The following ANKRD18A variants were observed in gnomAD, a reference collection of about 807,000 sequenced individuals.
ANKRD18A encodes the protein ankyrin repeat domain 18A, also known as ankyrin repeat domain-containing protein 18A.
A neutral mutation model predicts 110.6 loss-of-function variants in ANKRD18A; 72 were observed. That is an observed-to-expected ratio of 0.65 (90% confidence interval 0.54 to 0.79). ANKRD18A has a LOEUF of 0.79. Among genes scored for constraint, ANKRD18A ranks in the 30% least tolerant of loss-of-function variants. The probability of loss-of-function intolerance (pLI) is 0.00; values close to 1 mark genes in which losing one functional copy is unlikely to be tolerated. For synonymous variants in ANKRD18A, 305 were observed against 410.3 expected, an observed-to-expected ratio of 0.74 and a Z score of 3.10; for missense variants, 934 against 1,163.3, an observed-to-expected ratio of 0.80 and a Z score of 2.87.
At chr9:38,585,943 T>C (rs1824361229) in intron 12 of ANKRD18A, among the ~76,000 whole-genome samples, 1 of 152,064 alleles carries the variant, frequency 6.6e-6, no homozygotes, top group African/African-American at 2.4e-5. Context: ...TACTTATAAG[T>C]GGGAGCTGAA....
At position 38,571,625 on chromosome 9, in the gene ANKRD18A, T is replaced by C; in HGVS notation, c.*420A>G. ...GATACTCTTTAAGTCTCCTACTACA[T>C]ATGGTAATAAAAACTGTAAAATGCA... is the stretch of plus-strand genomic sequence containing the variant. On this transcript the variant is annotated 3_prime_UTR_variant, in exon 16 of 16. Coordinates refer to ENST00000399703, the MANE Select transcript of ANKRD18A (RefSeq NM_147195.4). 2.0e-6 allele frequency: 2 copies of C among 1,013,572 alleles called. No individual in the cohort carries two copies. The highest frequency in any genetic ancestry group is 2.4e-6 in the Non-Finnish European group (2 of 849,450). 62.8% of individuals were successfully genotyped at this position (1,013,572 alleles called of 1,614,324 possible).
At chr9:38,584,614 A>T (rs1824296337) in intron 12 of ANKRD18A, among the ~76,000 whole-genome samples, 2 of 152,204 alleles carry the variant, frequency 1.3e-5, no homozygotes, top group East Asian at 3.8e-4. Flanking sequence ...ATCTGGAGAC[A>T]TGGGCTGCTT....
intron 1 of ANKRD18A, among the ~76,000 whole-genome samples, chr9:38,616,735 T>G (rs1825871379): frequency 6.6e-6 from 1 of 152,226 alleles, no homozygotes; most frequent in African/African-American, 2.4e-5. Context: ...GAATGACAGG[T>G]GTGAGCCATG....
intron 7 of ANKRD18A, among the ~76,000 whole-genome samples, chr9:38,601,934 G>A (rs950329358): frequency 8.6e-5 from 13 of 150,872 alleles, no homozygotes; most frequent in African/African-American, 3.2e-4. Context: ...AGTGAGTCTC[G>A]GTCATGCCAT....
intron 2 of ANKRD18A, 64 bp downstream of exon 2, chr9:38,615,866 T>G: frequency 6.6e-7 from 1 of 1,522,354 alleles, no homozygotes; most frequent in South Asian, 1.3e-5. Flanking sequence ...TGAGACAAAT[T>G]CATTTTAATT....
rs1832313 is a variant in ANKRD18A at position 38,615,701 on chromosome 9, C to T, written c.388G>A (p.Glu130Lys). 663,920 of 1,612,064 alleles carry T rather than the reference C, an allele frequency of 0.41. 138,179 individuals carry two copies. Among genetic ancestry groups the T allele is most frequent in the East Asian group, 0.51 (23,068 of 44,846 alleles). Residue 130 changes from glutamate (E) to lysine (K), a missense_variant, in exon 3 of 16, where the codon GAG becomes AAG. Around this residue, in one of 4 missense-constraint regions of ANKRD18A, gnomAD observed 630 missense variants for 797.5 expected, o/e 0.79. Transcript: ENST00000399703. ...LLECGANPNI[E>K]DIYGNTALHY... ...AGAGCAGTGTTGCCGTAGATATCCT[C>T]AATGTTTGGATTGGCGCCACATTCC...
intron 8 of ANKRD18A, among the ~76,000 whole-genome samples, chr9:38,596,624 A>C (rs920918650): frequency 3.3e-5 from 5 of 152,186 alleles, no homozygotes; most frequent in African/African-American, 1.2e-4. Context: ...TAAAATACAC[A>C]CACACACACT....
chr9:38,575,827 A>G, intron 14 of ANKRD18A, 129 bp from the exon 15 acceptor site: 1 of 831,086 alleles, frequency 1.2e-6, no homozygotes, highest in Non-Finnish European at 1.8e-6. Context: ...TTTCACACAA[A>G]GATGTGTGAG....
In ANKRD18A at chr9:38,618,894, A is replaced by G. The variant is rs958260386; in HGVS notation, c.206+1186T>C. Among the ~76,000 whole-genome samples the G allele has an allele frequency of 2.4e-4, 36 of 149,444 alleles. No individual in the cohort carries two copies. The East Asian group carries it at 5.8e-3, about 24-fold the overall frequency. ...ATATATATATATAACACATTATATTAGTAATATATACAATTTCTTATACAT... is the reference window on the plus strand; with the variant it reads ...ATATATATATATAACACATTATATTGGTAATATATACAATTTCTTATACAT... On this transcript the variant is annotated intron_variant, in intron 1 of 15. Coordinates refer to ENST00000399703, the MANE Select transcript of ANKRD18A (RefSeq NM_147195.4).
intron 10 of ANKRD18A, among the ~76,000 whole-genome samples, chr9:38,592,085 T>G (rs1824675345): frequency 6.6e-6 from 1 of 152,218 alleles, no homozygotes; most frequent in Non-Finnish European, 1.5e-5. Flanking sequence ...TCTTTTTTCA[T>G]ACTGAGAAAA....
At chr9:38,606,953 A>C (rs1316411201) in intron 6 of ANKRD18A, among the ~76,000 whole-genome samples, 1 of 152,080 alleles carries the variant, frequency 6.6e-6, no homozygotes, top group Non-Finnish European at 1.5e-5. Flanking sequence ...CAAATTCCTA[A>C]ATAACTCTGA....
rs1215473643 is a variant in ANKRD18A, at chr9:38,610,485, C to T, written c.603-75G>A. 4.1e-6 allele frequency: 6 copies of T among 1,481,396 alleles called. No individual in the cohort carries two copies. The African/African-American group carries it at 7.1e-5, about 17-fold the overall frequency. 91.8% of individuals were successfully genotyped at this position (1,481,396 alleles called of 1,614,324 possible). On this transcript the variant is annotated intron_variant, in intron 4 of 15. Transcript: ENST00000399703. Reference sequence around the variant, plus strand: ...TAATTAGCAAATTGGATACACTTTACCAATTTCATATCTTGCCTGTCAGGA... The same window carrying T: ...TAATTAGCAAATTGGATACACTTTATCAATTTCATATCTTGCCTGTCAGGA...
chr9:38,613,213 C>T (rs1825714313), intron 3 of ANKRD18A, among the ~76,000 whole-genome samples: 1 of 150,560 alleles, frequency 6.6e-6, no homozygotes, highest in Admixed American at 6.6e-5. Flanking sequence ...CCCAGGGCAA[C>T]CTCTGCGCAG....
chr9:38,571,304 G>C, downstream of ANKRD18A: 1 of 1,274,222 alleles, frequency 7.8e-7, no homozygotes, highest in Non-Finnish European at 1.0e-6. Context: ...AAGTCAGCTT[G>C]AAATGTCTAC....
At chr9:38,606,341 C>T (rs1001100258) in intron 6 of ANKRD18A, among the ~76,000 whole-genome samples, 5 of 152,192 alleles carry the variant, frequency 3.3e-5, no homozygotes, top group Admixed American at 2.6e-4. Flanking sequence ...GATTTTTCTT[C>T]TGCTTCTGCA....
rs554465099 is a variant in ANKRD18A at position 38,611,590 on chromosome 9, A to G, written c.496-269T>C. On this transcript the variant is annotated intron_variant, in intron 3 of 15. Transcript: ENST00000399703. ...CCTTGCTTCTATCTCAGCATTTAGCACAGTCCATTGTAATTATTTCATTGT... is the reference window on the plus strand; with the variant it reads ...CCTTGCTTCTATCTCAGCATTTAGCGCAGTCCATTGTAATTATTTCATTGT... 5.9e-4 allele frequency among the ~76,000 whole-genome samples: 90 copies of G among 152,316 alleles called. 1 individual carries two copies. Among genetic ancestry groups the G allele is most frequent in the African/African-American group, 2.2e-3 (90 of 41,568 alleles).
At chr9:38,594,693 A>G (rs1824798740) in intron 9 of ANKRD18A, among the ~76,000 whole-genome samples, 1 of 152,226 alleles carries the variant, frequency 6.6e-6, no homozygotes, top group African/African-American at 2.4e-5. Flanking sequence ...AAACAAAGTT[A>G]CACCAACTAA....
chr9:38,573,860 T>G (rs1331765410), intron 15 of ANKRD18A, among the ~76,000 whole-genome samples: 2 of 152,210 alleles, frequency 1.3e-5, no homozygotes, highest in East Asian at 3.8e-4. Context: ...AAAAAGAAAT[T>G]TATATTCTTT....
chr9:38,590,224 AC>A (rs1004464164), intron 10 of ANKRD18A, among the ~76,000 whole-genome samples: 2 of 121,514 alleles, frequency 1.6e-5, no homozygotes, highest in African/African-American at 6.2e-5. Flanking sequence ...TCTTTTTTGT[AC>A]CAGTATATTT....
Sources: gnomAD v4.1 joint callset for allele counts (sites outside exome capture counted in the v4.1 genomes callset) on GRCh38, gnomAD v4.1.1 for gene constraint, gnomAD v4.1.1 regional missense constraint, MANE v1.5 for transcripts, NCBI Gene and HGNC (gene_info 2026-07-23, HGNC 2026-07-21) for gene names.